PTPRN2: variants seen among roughly 807,000 people sequenced by gnomAD.
PTPRN2 encodes receptor-type tyrosine-protein phosphatase N2.
PTPRN2 carries 74 observed loss-of-function variants against 118.8 expected under a neutral mutation model. The observed-to-expected ratio is 0.62, with a 90% CI of 0.52 to 0.76. The LOEUF (loss-of-function observed/expected upper bound fraction) is 0.76, where lower values mean the gene tolerates loss of function less well. Among genes scored for constraint, PTPRN2 ranks in the 30% least tolerant of loss-of-function variants. The probability of loss-of-function intolerance (pLI) is 0.00; values close to 1 mark genes in which losing one functional copy is unlikely to be tolerated. For missense variants in PTPRN2, 1,481 were observed against 1,394.4 expected (o/e 1.06, Z -0.99); for synonymous variants, 641 against 608.0 (o/e 1.05, Z -0.80).
chr7:157,640,395 A>C (rs1186458303), intron 14 of PTPRN2, among the ~76,000 whole-genome samples: 1 of 152,238 alleles, frequency 6.6e-6, no homozygotes, highest in African/African-American at 2.4e-5. Flanking sequence ...AGATAGAGAA[A>C]ATAGGAAAGG....
chr7:158,547,990 C>T (rs780247826), intron 1 of PTPRN2, among the ~76,000 whole-genome samples: 16 of 152,210 alleles, frequency 1.1e-4, no homozygotes, highest in South Asian at 2.1e-4. Flanking sequence ...CAGGGGTGGC[C>T]GAGGACCTGG....
chr7:157,839,373 G>T (rs1808204425), intron 12 of PTPRN2, among the ~76,000 whole-genome samples: 1 of 151,556 alleles, frequency 6.6e-6, no homozygotes, highest in African/African-American at 2.4e-5. Context: ...TGGCTGTGTG[G>T]GAGTGTGTAT....
intron 12 of PTPRN2, among the ~76,000 whole-genome samples, chr7:157,683,831 G>A (rs903050268): frequency 1.1e-4 from 17 of 152,134 alleles, no homozygotes; most frequent in African/African-American, 3.6e-4. Flanking sequence ...AGGCCGCCCC[G>A]CAGACCGCGC....
intron 12 of PTPRN2, among the ~76,000 whole-genome samples, chr7:157,811,670 A>G (rs1472393696): frequency 1.3e-5 from 2 of 152,064 alleles, no homozygotes; most frequent in African/African-American, 4.8e-5. Context: ...CCTGATGAGC[A>G]CTCGGCTTAT....
intron 11 of PTPRN2, among the ~76,000 whole-genome samples, chr7:157,984,617 G>A (rs551998603): frequency 8.2e-4 from 125 of 152,164 alleles, no homozygotes; most frequent in African/African-American, 2.7e-3. Context: ...TTCCCGCCGC[G>A]CCCTCCATGA....
intron 11 of PTPRN2, among the ~76,000 whole-genome samples, chr7:158,012,015 G>C (rs2082736): frequency 0.79 from 120,057 of 152,084 alleles, 47,417 homozygotes; most frequent in East Asian, 0.82. Context: ...GAATCAACTT[G>C]GGTGAGAAGA....
rs369938436 is a variant in PTPRN2, at chr7:158,325,384, CTTAT to C, written c.164-8456_164-8453del. On this transcript the variant is annotated intron_variant, in intron 2 of 22. Transcript: ENST00000389418. ...ATATGTCTTTTTTTTTTTAACATTT[CTTAT>C]TTATTTATGGAAATATAACAGGACT... Among the ~76,000 whole-genome samples the C allele has an allele frequency of 8.7e-4, 131 of 150,812 alleles. 1 individual carries two copies. The Middle Eastern group carries it at 0.017, about 20-fold the overall frequency.
rs1274539116 is a variant in PTPRN2 at position 158,544,213 on chromosome 7, G to A, written c.112+43345C>T. Among the ~76,000 whole-genome samples, 3 of 152,058 alleles carry A rather than the reference G, an allele frequency of 2.0e-5. No individual in the cohort carries two copies. The highest frequency in any genetic ancestry group is 2.9e-5 in the Non-Finnish European group (2 of 68,016). On this transcript the variant is annotated intron_variant, in intron 1 of 22. Transcript: ENST00000389418. The surrounding 1 kb of genome is among the most constrained non-coding windows in gnomAD (Gnocchi z 4.2). ...AGACTATCATTACCCGGTGTGACTG[G>A]GCCAATGAACCCAAAAACAGGAACG... is the stretch of plus-strand genomic sequence containing the variant.
intron 3 of PTPRN2, among the ~76,000 whole-genome samples, chr7:158,213,736 C>A (rs1827772530): frequency 1.3e-5 from 2 of 152,058 alleles, no homozygotes; most frequent in African/African-American, 4.8e-5. Flanking sequence ...AGTATAATAT[C>A]TATTATTGTG....
chr7:157,624,595 G>T (rs1472089813), intron 14 of PTPRN2, among the ~76,000 whole-genome samples: 1 of 152,190 alleles, frequency 6.6e-6, no homozygotes, highest in Non-Finnish European at 1.5e-5. Flanking sequence ...ATTGAACACT[G>T]AACTGAAAGT....
chr7:158,311,396 TTGCATGCC>T (rs1586204172), intron 3 of PTPRN2, among the ~76,000 whole-genome samples: 1 of 150,638 alleles, frequency 6.6e-6, no homozygotes, highest in East Asian at 2.0e-4. Flanking sequence ...TGACAGCAAA[TTGCATGCC>T]AACGAGTGAC....
At chr7:158,234,066 G>C (rs1215484148) in intron 3 of PTPRN2, among the ~76,000 whole-genome samples, 1 of 152,156 alleles carries the variant, frequency 6.6e-6, no homozygotes, top group Admixed American at 6.5e-5. Context: ...TCAGGGCAAA[G>C]ATTTTTTTGG....
At chr7:158,116,993 C>T (rs1816775768) in intron 9 of PTPRN2, among the ~76,000 whole-genome samples, 3 of 152,042 alleles carry the variant, frequency 2.0e-5, no homozygotes, top group African/African-American at 7.2e-5. Context: ...ATTAAAATTT[C>T]TAGTTTTCAA....
In PTPRN2 at chr7:157,764,982, T is replaced by C. The variant is rs1802360885; in HGVS notation, c.1789-82045A>G. ...ACCCACCCACCCATCCATCTACCCA[T>C]CCACTTTCATCCATCCAACCATCCA... is the stretch of plus-strand genomic sequence containing the variant. On this transcript the variant is annotated intron_variant, in intron 12 of 22. Transcript: ENST00000389418. This position sits in a 1 kb window ranked among gnomAD's most constrained non-coding sequence, Gnocchi z 4.5. Among the ~76,000 whole-genome samples the C allele has an allele frequency of 7.0e-6, 1 of 142,868 alleles. No homozygotes were observed. Among genetic ancestry groups the C allele is most frequent in the African/African-American group, 2.6e-5 (1 of 38,598 alleles). 93.7% of individuals were successfully genotyped at this position (142,868 alleles called of 152,430 possible). A position where few individuals can be genotyped will look rare whatever the true frequency, so the allele number is the denominator to read the frequency against.
intron 6 of PTPRN2, among the ~76,000 whole-genome samples, chr7:158,145,691 T>A: frequency 6.6e-6 from 1 of 152,358 alleles, no homozygotes. Context: ...CCTGCACACT[T>A]TCTCAGGCCT....
intron 3 of PTPRN2, among the ~76,000 whole-genome samples, chr7:158,307,116 C>A (rs1181027888): frequency 6.6e-6 from 1 of 152,090 alleles, no homozygotes; most frequent in South Asian, 2.1e-4. Flanking sequence ...ATCCACCCGC[C>A]TCGGCCTCCC....
intron 21 of PTPRN2, among the ~76,000 whole-genome samples, chr7:157,562,429 C>T (rs180949580): frequency 7.2e-5 from 11 of 152,288 alleles, no homozygotes; most frequent in African/African-American, 2.6e-4. Context: ...CTTCCAGCTT[C>T]ACCGCCTGGT....
At chr7:157,797,988 G>A (rs1255340350) in intron 12 of PTPRN2, among the ~76,000 whole-genome samples, 3 of 152,214 alleles carry the variant, frequency 2.0e-5, no homozygotes, top group East Asian at 1.9e-4. Context: ...GCCAGGCGTC[G>A]TGGCTCATGC....
At chr7:158,266,804 A>C (rs1369713701) in intron 3 of PTPRN2, among the ~76,000 whole-genome samples, 10 of 152,256 alleles carry the variant, frequency 6.6e-5, no homozygotes, top group Admixed American at 6.5e-4. Flanking sequence ...CCATTAAAAA[A>C]TGGAGTTCAA....
Sources: allele counts gnomAD v4.1 joint callset (sites outside exome capture counted in the v4.1 genomes callset), GRCh38; gene constraint gnomAD v4.1.1; non-coding constraint Gnocchi (gnomAD v3.1); transcripts MANE v1.5; gene names NCBI Gene and HGNC (gene_info 2026-07-23, HGNC 2026-07-21).